Variants in HGSNAT observed in about 807,000 individuals in gnomAD.
The protein encoded by HGSNAT is transmembrane protein 76.
Under a neutral mutation model 85.2 loss-of-function variants are expected in HGSNAT, and 59 were observed. That is an observed-to-expected ratio of 0.69 (90% CI 0.56 to 0.86). The LOEUF is 0.86. Among genes scored for constraint, HGSNAT ranks in the 40% least tolerant of loss-of-function variants. The pLI, the probability that HGSNAT is intolerant of heterozygous loss-of-function variation, is 0.00. For synonymous variants in HGSNAT, 321 were observed against 304.5 expected, an observed-to-expected ratio of 1.05 and a Z score of -0.56; for missense variants, 756 against 777.1, an observed-to-expected ratio of 0.97 and a Z score of 0.32.
chr8:43,175,611 G>T (rs1039441010), intron 9 of HGSNAT, among the ~76,000 whole-genome samples: 5 of 145,436 alleles, frequency 3.4e-5, no homozygotes, highest in Non-Finnish European at 6.0e-5. Flanking sequence ...TGTAGCCCAG[G>T]TGGGAGTGCA....
chr8:43,183,006 AC>A (rs1348299970), intron 11 of HGSNAT, among the ~76,000 whole-genome samples: 4 of 152,312 alleles, frequency 2.6e-5, no homozygotes, highest in Admixed American at 2.6e-4. Flanking sequence ...TAATACTTGT[AC>A]ATATTTATGA....
chr8:43,191,653 T>G, intron 12 of HGSNAT, 58 bp downstream of exon 12: 1 of 1,578,918 alleles, frequency 6.3e-7, no homozygotes, highest in Non-Finnish European at 8.7e-7. Flanking sequence ...CAGTCAGAGG[T>G]TCTGGGCTTT....
chr8:43,165,661 G>A (rs946683080), intron 5 of HGSNAT, among the ~76,000 whole-genome samples: 1 of 152,244 alleles, frequency 6.6e-6, no homozygotes, highest in Non-Finnish European at 1.5e-5. Flanking sequence ...AACAGGCTGG[G>A]CTTAGTGGCT....
intron 5 of HGSNAT, among the ~76,000 whole-genome samples, chr8:43,161,967 A>G (rs1803280955): frequency 6.6e-6 from 1 of 152,138 alleles, no homozygotes; most frequent in Non-Finnish European, 1.5e-5. Context: ...GTTCTTCTGG[A>G]CCTCGCACGG....
At chr8:43,179,621 G>T (rs1384712473) in intron 10 of HGSNAT, among the ~76,000 whole-genome samples, 1 of 48,860 alleles carries the variant, frequency 2.0e-5, no homozygotes. Flanking sequence ...GGGCAGAGGC[G>T]CCCCTCACCT....
intron 14 of HGSNAT, 21 bp downstream of exon 14, chr8:43,193,864 G>A: frequency 6.2e-7 from 1 of 1,608,796 alleles, no homozygotes; most frequent in Non-Finnish European, 8.5e-7. Context: ...ATTTCATTAG[G>A]TTACTTTTTC....
At position 43,189,648 on chromosome 8, in the gene HGSNAT, G is replaced by A. The variant is rs564937891; in HGVS notation, c.1129-1826G>A. Among the ~76,000 whole-genome samples, 330 of 152,290 alleles carry A rather than the reference G, an allele frequency of 2.2e-3. 1 individual carries two copies. Among genetic ancestry groups the A allele is most frequent in the Middle Eastern group, 0.01 (3 of 294 alleles). ...TGACAAGCCCCAGTGAGATGAACCC[G>A]GTACCTCAGTTGGAAATGCAGAAAT... On this transcript the variant is annotated intron_variant, in intron 11 of 17. Coordinates refer to ENST00000379644, the MANE Select transcript of HGSNAT (RefSeq NM_152419.3).
intron 11 of HGSNAT, among the ~76,000 whole-genome samples, chr8:43,189,036 C>T (rs925733411): frequency 7.9e-5 from 12 of 152,122 alleles, no homozygotes; most frequent in African/African-American, 2.4e-4. Context: ...GGGTGTCAGT[C>T]GGTCCCTACT....
intron 2 of HGSNAT, 148 bp downstream of exon 2, chr8:43,147,211 C>G (rs370172844): frequency 8.8e-6 from 5 of 567,254 alleles, no homozygotes; most frequent in South Asian, 7.3e-5. Context: ...GGAAGAAATA[C>G]AGTCAGGGGA....
chr8:43,186,585 A>C (rs1370859295), intron 11 of HGSNAT, among the ~76,000 whole-genome samples: 1 of 152,150 alleles, frequency 6.6e-6, no homozygotes, highest in African/African-American at 2.4e-5. Context: ...CTTTTAAAAA[A>C]ACCAGCTCCT....
chr8:43,194,019 C>A, intron 14 of HGSNAT, 176 bp downstream of exon 14: 1 of 1,366,762 alleles, frequency 7.3e-7, no homozygotes. Context: ...AAATTCAGCA[C>A]ATTCAAGTAA....
chr8:43,162,924 G>A (rs1031425781), intron 5 of HGSNAT, among the ~76,000 whole-genome samples: 158 of 152,142 alleles, frequency 1.0e-3, no homozygotes, highest in Admixed American at 9.5e-3. Context: ...GGTGGCTCAC[G>A]CCTCTAATAC....
intron 14 of HGSNAT, chr8:43,196,281 T>C (rs956355645): frequency 2.8e-6 from 1 of 359,698 alleles, no homozygotes; most frequent in Non-Finnish European, 5.5e-6. Flanking sequence ...TAAATTATTT[T>C]TAAAGCTTCT....
At position 43,193,800 on chromosome 8, in the gene HGSNAT, T is replaced by G; in HGVS notation, c.1421T>G (p.Leu474Arg). Residue 474 changes from leucine to arginine, a missense_variant, in exon 14 of 18, where the codon CTG becomes CGG. Transcript: ENST00000379644. ...GTGGCCTATGACCCCGAGGGCATCC[T>G]GGGCACCATCAACTCCATCGTGATG... The part of the protein sequence containing the change: ...TEVAYDPEGI[L>R]GTINSIVMAF... 1 of 1,613,976 alleles carries G rather than the reference T, an allele frequency of 6.2e-7. No individual in the cohort carries two copies. Among genetic ancestry groups the G allele is most frequent in the South Asian group, 1.1e-5 (1 of 91,082 alleles).
At chr8:43,142,755 A>G (rs925459137) in intron 1 of HGSNAT, among the ~76,000 whole-genome samples, 76 of 152,358 alleles carry the variant, frequency 5.0e-4, no homozygotes, top group African/African-American at 1.7e-3. Context: ...TTGACATTCA[A>G]TGAAGACTGA....
At chr8:43,157,596 C>A (rs1044831608) in intron 2 of HGSNAT, among the ~76,000 whole-genome samples, 3 of 151,948 alleles carry the variant, frequency 2.0e-5, no homozygotes, top group African/African-American at 7.2e-5. Context: ...GGCAACATGG[C>A]AAAACCCCAT....
At chr8:43,153,399 G>T (rs1026816811) in intron 2 of HGSNAT, among the ~76,000 whole-genome samples, 1 of 151,714 alleles carries the variant, frequency 6.6e-6, no homozygotes, top group South Asian at 2.1e-4. Flanking sequence ...CATATTTATG[G>T]GGTACAGTAT....
chr8:43,160,943 G>A (rs1803248090), intron 4 of HGSNAT, among the ~76,000 whole-genome samples: 1 of 152,176 alleles, frequency 6.6e-6, no homozygotes, highest in Non-Finnish European at 1.5e-5. Context: ...GTTTTCTCAT[G>A]AATAGGTAGA....
rs1212357628 is a variant in HGSNAT, at chr8:43,196,942, C to G, written c.1465-6C>G. 6.3e-7 allele frequency: 1 copy of G among 1,582,990 alleles called. No individual in the cohort carries two copies. Among genetic ancestry groups the G allele is most frequent in the South Asian group, 1.1e-5 (1 of 90,164 alleles). On this transcript the variant is annotated splice_polypyrimidine_tract_variant and splice_region_variant and intron_variant, in intron 14 of 17. Coordinates refer to ENST00000379644, the MANE Select transcript of HGSNAT (RefSeq NM_152419.3). ...TCTTTTGGTCACACTGTGTTATCTCCTCCAGGCAGGAAAAATACTATTGTA... is the reference window on the plus strand; with the variant it reads ...TCTTTTGGTCACACTGTGTTATCTCGTCCAGGCAGGAAAAATACTATTGTA...
Sources: allele counts gnomAD v4.1 joint callset (sites outside exome capture counted in the v4.1 genomes callset), GRCh38; gene constraint gnomAD v4.1.1; transcripts MANE v1.5; gene names NCBI Gene and HGNC (gene_info 2026-07-23, HGNC 2026-07-21).